CDH22: variants seen among roughly 807,000 people sequenced by gnomAD.
The protein encoded by CDH22 is cadherin 22, also known as cadherin-22.
In CDH22, 30 loss-of-function variants were observed where a neutral mutation model predicts 58.4. That is an observed-to-expected ratio of 0.51 (90% CI 0.38 to 0.70). The LOEUF (loss-of-function observed/expected upper bound fraction) is 0.70, where lower values mean the gene tolerates loss of function less well. Among genes scored for constraint, CDH22 ranks in the 30% least tolerant of loss-of-function variants. The probability of loss-of-function intolerance (pLI) is 0.00; values close to 1 mark genes in which losing one functional copy is unlikely to be tolerated. For synonymous variants in CDH22, 513 were observed against 558.2 expected (o/e 0.92, Z 1.14); for missense variants, 1,014 against 1,233.9 (o/e 0.82, Z 2.67).
chr20:46,207,691 C>T (rs999447794), intron 7 of CDH22, among the ~76,000 whole-genome samples: 14 of 152,222 alleles, frequency 9.2e-5, no homozygotes, highest in Non-Finnish European at 1.5e-4. Context: ...TTTTGTGCCT[C>T]ATCTTTCCCG....
chr20:46,237,895 A>G (rs529887820), intron 3 of CDH22, among the ~76,000 whole-genome samples: 1 of 152,216 alleles, frequency 6.6e-6, no homozygotes, highest in East Asian at 1.9e-4. Context: ...CTGACTTGCT[A>G]TGTAGGTACT....
At chr20:46,178,899 C>T (rs190698346) in intron 10 of CDH22, among the ~76,000 whole-genome samples, 1 of 152,304 alleles carries the variant, frequency 6.6e-6, no homozygotes, top group East Asian at 1.9e-4. Context: ...ATGAGGGGCC[C>T]TGGAGCATTG....
chr20:46,215,701 C>T (rs1228093151), intron 5 of CDH22, among the ~76,000 whole-genome samples: 1 of 152,234 alleles, frequency 6.6e-6, no homozygotes, highest in East Asian at 1.9e-4. Context: ...AAAGGAATGA[C>T]GAGCAGGAAA....
chr20:46,212,611 G>A (rs931640129), intron 6 of CDH22, among the ~76,000 whole-genome samples: 2 of 152,188 alleles, frequency 1.3e-5, no homozygotes, highest in African/African-American at 4.8e-5. Flanking sequence ...ACCTCTCTCA[G>A]CATCTATTTT....
At chr20:46,264,837 C>A (rs951041487) in intron 1 of CDH22, among the ~76,000 whole-genome samples, 3 of 148,342 alleles carry the variant, frequency 2.0e-5, no homozygotes, top group African/African-American at 7.3e-5. Flanking sequence ...ACACACCATG[C>A]ACACACACAC....
At chr20:46,223,707 TTCTTTCTTTTTCTTTCTTTCTC>T (rs1201910163) in intron 4 of CDH22, among the ~76,000 whole-genome samples, 13 of 80,448 alleles carry the variant, frequency 1.6e-4, no homozygotes, top group Admixed American at 1.5e-3. Flanking sequence ...CTTTCTTTCT[TTCTTTCTTTTTCTTTCTTTCTC>T]TTTCTTTCTT....
chr20:46,228,896 C>T (rs866690027), intron 3 of CDH22, among the ~76,000 whole-genome samples: 16 of 152,208 alleles, frequency 1.1e-4, no homozygotes, highest in African/African-American at 3.4e-4. Context: ...GCCCGCCGCC[C>T]GCCTCTCCCG....
At chr20:46,306,857 C>T (rs1433652834) in intron 1 of CDH22, among the ~76,000 whole-genome samples, 1 of 152,082 alleles carries the variant, frequency 6.6e-6, no homozygotes, top group Non-Finnish European at 1.5e-5. Flanking sequence ...CTGATGGACA[C>T]ATATACGGGA....
chr20:46,196,853 C>CTAAG (rs1334990248), intron 8 of CDH22, among the ~76,000 whole-genome samples: 1 of 152,180 alleles, frequency 6.6e-6, no homozygotes, highest in East Asian at 1.9e-4. Flanking sequence ...AACCACTAGG[C>CTAAG]TAAGTTCTTC....
At chr20:46,280,350 G>GTGGAGGTTGCAGTGAGC (rs1366502881) in intron 1 of CDH22, among the ~76,000 whole-genome samples, 1 of 152,202 alleles carries the variant, frequency 6.6e-6, no homozygotes, top group Non-Finnish European at 1.5e-5. Context: ...AACCTGGGAG[G>GTGGAGGTTGCAGTGAGC]TGGAGGTTGC....
chr20:46,224,834 T>C (rs1295846781), intron 4 of CDH22, among the ~76,000 whole-genome samples: 1 of 152,204 alleles, frequency 6.6e-6, no homozygotes, highest in Admixed American at 6.5e-5. Context: ...ATCCTCACTA[T>C]GAATTCTTCA....
At chr20:46,223,817 TCTTCCTTCCTTCCTTCCTTC>T (rs11287075) in intron 4 of CDH22, among the ~76,000 whole-genome samples, 5 of 138,182 alleles carry the variant, frequency 3.6e-5, no homozygotes, top group South Asian at 2.4e-4. Flanking sequence ...TTTCTTCCTT[TCTTCCTTCCTTCCTTCCTTC>T]CTTCCTTCCT....
chr20:46,270,721 A>G (rs1055510695), intron 1 of CDH22, among the ~76,000 whole-genome samples: 7 of 152,180 alleles, frequency 4.6e-5, no homozygotes, highest in African/African-American at 1.4e-4. Flanking sequence ...TCTTTACCCC[A>G]TGGATGGAAC....
At chr20:46,299,780 C>G (rs1173537455) in intron 1 of CDH22, among the ~76,000 whole-genome samples, 8 of 152,186 alleles carry the variant, frequency 5.3e-5, no homozygotes. Context: ...GATGAGGAAA[C>G]TGAGGCAGAA....
At chr20:46,307,612 G>T (rs931211587) in intron 1 of CDH22, among the ~76,000 whole-genome samples, 1 of 152,078 alleles carries the variant, frequency 6.6e-6, no homozygotes, top group Admixed American at 6.5e-5. Context: ...GCGCCGGTGG[G>T]GCCGGCAGGG....
In CDH22 at chr20:46,211,850, C is replaced by T. The variant is rs564526176; in HGVS notation, c.1032+1145G>A. Among the ~76,000 whole-genome samples the T allele has an allele frequency of 7.9e-5, 12 of 151,934 alleles. No homozygotes were observed. The South Asian group carries it at 1.0e-3, about 13-fold the overall frequency. ...CCCCTGAGCCCGTATCCCTACTGAA[C>T]GATACTAGATGCATGGCCTTGGGAA... On this transcript the variant is annotated intron_variant, in intron 6 of 11. Transcript: ENST00000537909.
intron 1 of CDH22, among the ~76,000 whole-genome samples, chr20:46,299,545 A>G (rs963705436): frequency 6.6e-6 from 1 of 152,240 alleles, no homozygotes; most frequent in Non-Finnish European, 1.5e-5. Context: ...GTACAAACAT[A>G]TACAGAATTC....
intron 1 of CDH22, among the ~76,000 whole-genome samples, chr20:46,257,717 C>T (rs2145744386): frequency 6.6e-6 from 1 of 152,244 alleles, no homozygotes. Flanking sequence ...GCTAGGAGTT[C>T]AGGGGTGAGG....
chr20:46,253,916 G>C (rs572237836), intron 1 of CDH22, among the ~76,000 whole-genome samples: 1 of 152,118 alleles, frequency 6.6e-6, no homozygotes, highest in Non-Finnish European at 1.5e-5. Flanking sequence ...CAGTGTTCAC[G>C]GGCACCAAGC....
Sources: gnomAD v4.1 joint callset for allele counts (sites outside exome capture counted in the v4.1 genomes callset) on GRCh38, gnomAD v4.1.1 for gene constraint, MANE v1.5 for transcripts, NCBI Gene and HGNC (gene_info 2026-07-23, HGNC 2026-07-21) for gene names.